Variants in MRPL22 observed in about 807,000 individuals in gnomAD.
MRPL22 encodes the protein large ribosomal subunit protein uL22m.
In MRPL22, 27 loss-of-function variants were observed where a neutral mutation model predicts 32.4. The observed-to-expected ratio is 0.83, with a 90% CI of 0.61 to 1.15. The LOEUF is 1.15. MRPL22 is among the 50% of genes most tolerant of loss of function. The probability of loss-of-function intolerance (pLI) is 0.00; values close to 1 mark genes in which losing one functional copy is unlikely to be tolerated. For missense variants in MRPL22, 239 were observed against 260.2 expected (o/e 0.92, Z 0.56); for synonymous variants, 86 against 87.3 (o/e 0.99, Z 0.08).
At chr5:154,964,014 T>G (rs1182316904) in intron 6 of MRPL22, among the ~76,000 whole-genome samples, 1 of 151,980 alleles carries the variant, frequency 6.6e-6, no homozygotes, top group Non-Finnish European at 1.5e-5. Flanking sequence ...TGACCTCGAG[T>G]AGATAAAATG....
chr5:154,957,272 C>T lies in MRPL22; in HGVS notation c.339+60C>T, dbSNP rs1421819. On this transcript the variant is annotated intron_variant, in intron 5 of 6. Coordinates refer to ENST00000523037, the MANE Select transcript of MRPL22 (RefSeq NM_014180.4). ...GGAACTGGGGAATGCAGCTGTCTTG[C>T]AATTATTAGTAAGCTTAGCCTAAAT... The T allele has an allele frequency of 0.086, 117,519 of 1,370,034 alleles. 6,183 individuals carry two copies. Among genetic ancestry groups the T allele is most frequent in the African/African-American group, 0.21 (14,592 of 69,834 alleles). The allele number at this position is 1,370,034 out of a possible 1,614,324, so 84.9% of individuals were successfully genotyped here. A position where few individuals can be genotyped will look rare whatever the true frequency, so the allele number is the denominator to read the frequency against.
At chr5:154,945,333 C>A (rs1478328971) in intron 2 of MRPL22, among the ~76,000 whole-genome samples, 2 of 152,296 alleles carry the variant, frequency 1.3e-5, no homozygotes, top group East Asian at 3.9e-4. Flanking sequence ...ACCTGAGCAA[C>A]TGGAAGGGTA....
At chr5:154,959,367 AGATAGGGTCTCTGTTGCCCAGGCTG>A (rs1449352287) in intron 5 of MRPL22, among the ~76,000 whole-genome samples, 1 of 151,974 alleles carries the variant, frequency 6.6e-6, no homozygotes, top group African/African-American at 2.4e-5. Context: ...TTGTTTTTTA[AGATAGGGTCTCTGTTGCCCAGGCTG>A]GAGTGCAGTG....
At position 154,960,021 on chromosome 5, in the gene MRPL22, C is replaced by T. The variant is rs777092834; in HGVS notation, c.381C>T (p.Asn127=). The T allele has an allele frequency of 3.2e-5, 51 of 1,611,840 alleles. No homozygotes were observed. The highest frequency in any genetic ancestry group is 2.0e-4 in the African/African-American group (15 of 74,844). ...AAGATATGGCAGTGAGAGACCATAA[C>T]GTGGAATTCAGGTCCAATTTATATA... The part of the protein sequence containing the change: ...EAQDMAVRDH[N]VEFRSNLYIA... Residue 127 remains asparagine, a synonymous_variant, in exon 6 of 7, where the codon AAC becomes AAT. Transcript: ENST00000523037.
Position 154,950,861 on chromosome 5 carries a change from G to T in MRPL22, c.118G>T (p.Asp40Tyr), listed in dbSNP as rs376601524. Residue 40 changes from aspartate (D) to tyrosine (Y), a missense_variant, in exon 3 of 7, where the codon GAC (aspartate) becomes TAC (tyrosine). Coordinates refer to ENST00000523037, the MANE Select transcript of MRPL22 (RefSeq NM_014180.4). ...QSYIHTSASL[D>Y]ISRKWEKKNK... ...ATATATCCACACAAGTGCTTCTCTT[G>T]ACATTTCTCGAAAATGGGAGAAGAA... 8.9e-5 allele frequency: 144 copies of T among 1,613,554 alleles called. 4 individuals are homozygous for T. In the South Asian group the frequency reaches 1.4e-3, roughly 16 times the overall value.
intron 5 of MRPL22, among the ~76,000 whole-genome samples, chr5:154,958,063 C>T (rs1185953077): frequency 4.0e-5 from 6 of 151,362 alleles, no homozygotes; most frequent in South Asian, 2.1e-4. Context: ...ACTACAGCTG[C>T]GCGCCACCAT....
chr5:154,949,730 G>T (rs1764534092), intron 2 of MRPL22, among the ~76,000 whole-genome samples: 1 of 152,126 alleles, frequency 6.6e-6, no homozygotes, highest in African/African-American at 2.4e-5. Flanking sequence ...GGGAGAGGGA[G>T]AATGACTAGT....
chr5:154,954,658 A>G (rs533804501), intron 3 of MRPL22, among the ~76,000 whole-genome samples: 1 of 152,146 alleles, frequency 6.6e-6, no homozygotes, highest in Admixed American at 6.5e-5. Context: ...TTTCTTGTAA[A>G]CACTTCTTCC....
chr5:154,941,665 C>CT (rs1168735466), intron 2 of MRPL22, among the ~76,000 whole-genome samples: 4 of 152,206 alleles, frequency 2.6e-5, no homozygotes, highest in Non-Finnish European at 4.4e-5. Flanking sequence ...GGTTTATATG[C>CT]TTTAACTCAC....
intron 3 of MRPL22, among the ~76,000 whole-genome samples, chr5:154,952,420 C>G (rs1330042788): frequency 6.6e-6 from 1 of 152,096 alleles, no homozygotes; most frequent in East Asian, 1.9e-4. Context: ...TTTAATGAAA[C>G]TATTTTGATT....
chr5:154,951,370 A>T (rs1400189616), intron 3 of MRPL22, among the ~76,000 whole-genome samples: 1 of 152,200 alleles, frequency 6.6e-6, no homozygotes, highest in Non-Finnish European at 1.5e-5. Flanking sequence ...ATTTGAACCT[A>T]AAGTTTGAAC....
chr5:154,949,612 A>G (rs1054612174), intron 2 of MRPL22, among the ~76,000 whole-genome samples: 17 of 152,162 alleles, frequency 1.1e-4, no homozygotes, highest in African/African-American at 3.9e-4. Flanking sequence ...TTTGGTGACT[A>G]GCTCTGGCAG....
intron 2 of MRPL22, among the ~76,000 whole-genome samples, chr5:154,941,775 G>A (rs1400915828): frequency 6.6e-6 from 1 of 152,236 alleles, no homozygotes; most frequent in African/African-American, 2.4e-5. Flanking sequence ...CCACTCAGTT[G>A]TAGGAAATTT....
At chr5:154,942,118 T>A (rs1214547240) in intron 2 of MRPL22, among the ~76,000 whole-genome samples, 15 of 152,198 alleles carry the variant, frequency 9.9e-5, no homozygotes, top group African/African-American at 3.6e-4. Flanking sequence ...AATTTTTATT[T>A]ATTTATTTTT....
At chr5:154,943,151 T>C (rs1276921262) in intron 2 of MRPL22, among the ~76,000 whole-genome samples, 1 of 152,162 alleles carries the variant, frequency 6.6e-6, no homozygotes, top group African/African-American at 2.4e-5. Context: ...TTTTCCTTTT[T>C]TTTTTGGAGA....
At chr5:154,942,424 A>G (rs1764431573) in intron 2 of MRPL22, among the ~76,000 whole-genome samples, 1 of 152,106 alleles carries the variant, frequency 6.6e-6, no homozygotes, top group Non-Finnish European at 1.5e-5. Context: ...TCCGAGGGGG[A>G]TAAAGAGGTG....
rs751269309 is a variant in MRPL22, at chr5:154,957,228, T to A, written c.339+16T>A. The A allele has an allele frequency of 6.2e-7, 1 of 1,603,346 alleles. No homozygotes were observed. The highest frequency in any genetic ancestry group is 1.7e-5 in the Admixed American group (1 of 59,996). ...AATTAAAGAGGTAAACTTACAAGTTTGGGTGTGGTAGGGAATGGGGAACTG... is the reference window on the plus strand; with the variant it reads ...AATTAAAGAGGTAAACTTACAAGTTAGGGTGTGGTAGGGAATGGGGAACTG... On this transcript the variant is annotated intron_variant, in intron 5 of 6. Transcript: ENST00000523037.
At chr5:154,966,078 A>G (rs1041327639) in intron 6 of MRPL22, among the ~76,000 whole-genome samples, 1 of 152,178 alleles carries the variant, frequency 6.6e-6, no homozygotes, top group African/African-American at 2.4e-5. Context: ...AGCCTACAGG[A>G]CCTTGTGTAA....
At chr5:154,943,474 G>T (rs914541120) in intron 2 of MRPL22, among the ~76,000 whole-genome samples, 3 of 152,000 alleles carry the variant, frequency 2.0e-5, no homozygotes, top group Admixed American at 2.0e-4. Flanking sequence ...GAGTGGGAGG[G>T]CCTGTGGTGG....
Sources: allele counts gnomAD v4.1 joint callset (sites outside exome capture counted in the v4.1 genomes callset), GRCh38; gene constraint gnomAD v4.1.1; transcripts MANE v1.5; gene names NCBI Gene and HGNC (gene_info 2026-07-23, HGNC 2026-07-21).